PAPPA: variants seen among roughly 807,000 people sequenced by gnomAD.
PAPPA encodes pappalysin 1.
Under a neutral mutation model 164.0 loss-of-function variants are expected in PAPPA, and 60 were observed. The observed-to-expected ratio is 0.37, with a 90% CI of 0.30 to 0.45. The LOEUF is 0.45. Among genes scored for constraint, PAPPA ranks in the 20% least tolerant of loss-of-function variants. The pLI is 1.00. For missense variants in PAPPA, 1,782 were observed against 2,087.3 expected, an observed-to-expected ratio of 0.85 and a Z score of 2.85; for synonymous variants, 875 against 814.1, an observed-to-expected ratio of 1.07 and a Z score of -1.27.
chr9:116,359,377 CAG>C (rs950316192), intron 17 of PAPPA, among the ~76,000 whole-genome samples: 5 of 152,222 alleles, frequency 3.3e-5, no homozygotes, highest in African/African-American at 1.2e-4. Context: ...CTTGTAAAAA[CAG>C]ATGCACAGGC....
chr9:116,173,002 A>G (rs1281622756), intron 1 of PAPPA, among the ~76,000 whole-genome samples: 1 of 152,170 alleles, frequency 6.6e-6, no homozygotes, highest in Non-Finnish European at 1.5e-5. Flanking sequence ...CTCTCAGGGA[A>G]ATAAAGGGAT....
chr9:116,375,534 C>T (rs955229388), intron 19 of PAPPA, among the ~76,000 whole-genome samples: 1 of 152,298 alleles, frequency 6.6e-6, no homozygotes, highest in Admixed American at 6.5e-5. Context: ...AAAATCATCT[C>T]TATTTTGAGA....
Position 116,235,123 on chromosome 9 carries a change from C to T in PAPPA, c.2234-16C>T. ...CTCTTTCCCCAAGAACTCATTCCCT[C>T]ATCTCTTCTGCATAGGTCATCCTGA... On this transcript the variant is annotated splice_polypyrimidine_tract_variant and intron_variant, in intron 6 of 21. Coordinates refer to ENST00000328252, the MANE Select transcript of PAPPA (RefSeq NM_002581.5). 2 of 1,614,016 alleles carry T rather than the reference C, an allele frequency of 1.2e-6. No homozygotes were observed. Among genetic ancestry groups the T allele is most frequent in the Middle Eastern group, 1.7e-4 (1 of 6,058 alleles).
At chr9:116,180,303 A>G (rs1022579720) in intron 1 of PAPPA, among the ~76,000 whole-genome samples, 15 of 152,128 alleles carry the variant, frequency 9.9e-5, no homozygotes, top group Middle Eastern at 3.4e-3. Flanking sequence ...GAGAGCACCA[A>G]TCCACCATGG....
intron 9 of PAPPA, among the ~76,000 whole-genome samples, chr9:116,294,965 G>T (rs1290680673): frequency 6.6e-6 from 1 of 152,144 alleles, no homozygotes; most frequent in South Asian, 2.1e-4. Flanking sequence ...TCCACTCATC[G>T]TTTGGAAGGA....
intron 21 of PAPPA, among the ~76,000 whole-genome samples, chr9:116,393,217 G>A (rs980241552): frequency 3.3e-5 from 5 of 152,198 alleles, no homozygotes; most frequent in African/African-American, 1.2e-4. Context: ...TATGTTTCAA[G>A]TTCCTTTCTG....
chr9:116,327,963 A>G (rs555581017), intron 10 of PAPPA, among the ~76,000 whole-genome samples: 16 of 152,354 alleles, frequency 1.1e-4, no homozygotes, highest in Non-Finnish European at 1.9e-4. Context: ...ACTTGAAACA[A>G]ACACAAAACA....
At chr9:116,194,762 G>C (rs1844083795) in intron 2 of PAPPA, among the ~76,000 whole-genome samples, 1 of 152,118 alleles carries the variant, frequency 6.6e-6, no homozygotes, top group Admixed American at 6.5e-5. Context: ...CTCCATTCTT[G>C]TGTGCACATG....
intron 19 of PAPPA, among the ~76,000 whole-genome samples, 170 bp from the exon 20 acceptor site, chr9:116,377,406 G>C (rs1249994459): frequency 6.6e-6 from 1 of 152,090 alleles, no homozygotes; most frequent in Non-Finnish European, 1.5e-5. Context: ...TTTTAATCTT[G>C]TGGCTCCTGT....
intron 13 of PAPPA, among the ~76,000 whole-genome samples, chr9:116,342,400 G>A (rs1010369565): frequency 6.6e-6 from 1 of 152,134 alleles, no homozygotes. Flanking sequence ...AATGCCAGTT[G>A]CCCTGCATTT....
rs1406678531 is a variant in PAPPA at position 116,382,412 on chromosome 9, T to C, written c.4695T>C (p.Asn1565=). 8 of 1,613,112 alleles carry C rather than the reference T, an allele frequency of 5.0e-6. No individual in the cohort carries two copies. Among genetic ancestry groups the C allele is most frequent in the Non-Finnish European group, 6.8e-6 (8 of 1,179,232 alleles). The change falls in exon 21 of 22, where the codon AAT becomes AAC. Residue 1565 remains asparagine, a synonymous_variant. Transcript: ENST00000328252. The stretch of plus-strand genomic sequence containing the variant: ...CTTTCCAGCCCTTCATGGGAGACAA[T>C]TATTGTGATGCCATCAACAACCGAG... ...VKGCEPFMGD[N]YCDAINNRAF...
At chr9:116,233,799 C>T (rs766015047) in intron 6 of PAPPA, among the ~76,000 whole-genome samples, 6 of 151,958 alleles carry the variant, frequency 3.9e-5, no homozygotes, top group Non-Finnish European at 7.4e-5. Context: ...TACCACAAAG[C>T]GTTTTTAAGC....
intron 19 of PAPPA, among the ~76,000 whole-genome samples, chr9:116,368,150 TC>T (rs1475092679): frequency 7.2e-5 from 11 of 152,190 alleles, no homozygotes; most frequent in Non-Finnish European, 5.9e-5. Context: ...GTATGGCTTC[TC>T]TGGTGCCCTC....
At chr9:116,352,013 C>T (rs542767107) in intron 15 of PAPPA, among the ~76,000 whole-genome samples, 2 of 152,308 alleles carry the variant, frequency 1.3e-5, no homozygotes, top group East Asian at 1.9e-4. Flanking sequence ...GCCTAACTCC[C>T]GTGTTTTACT....
At chr9:116,369,545 TCA>T (rs1846545501) in intron 19 of PAPPA, among the ~76,000 whole-genome samples, 1 of 152,022 alleles carries the variant, frequency 6.6e-6, no homozygotes, top group African/African-American at 2.4e-5. Flanking sequence ...TGAGTTTGAC[TCA>T]CACACAAAAC....
intron 20 of PAPPA, among the ~76,000 whole-genome samples, chr9:116,381,214 A>C (rs1279165898): frequency 6.6e-6 from 1 of 152,182 alleles, no homozygotes; most frequent in Non-Finnish European, 1.5e-5. Flanking sequence ...CCATGAAGTA[A>C]CCATCCCATT....
At chr9:116,192,865 C>T (rs1449658170) in intron 2 of PAPPA, among the ~76,000 whole-genome samples, 6 of 152,150 alleles carry the variant, frequency 3.9e-5, no homozygotes, top group Non-Finnish European at 8.8e-5. Flanking sequence ...ATTCCAGTGT[C>T]AGGAAATCCA....
chr9:116,396,278 C>A (rs1846961815), intron 21 of PAPPA, among the ~76,000 whole-genome samples: 1 of 152,084 alleles, frequency 6.6e-6, no homozygotes, highest in East Asian at 1.9e-4. Context: ...ATTGCCTTAC[C>A]CCATAGCAAA....
At position 116,265,828 on chromosome 9, in the gene PAPPA, T is replaced by A. The variant is rs1054704945; in HGVS notation, c.2733-29T>A. 25 of 1,566,530 alleles carry A rather than the reference T, an allele frequency of 1.6e-5. No homozygotes were observed. In the East Asian group the frequency reaches 5.5e-4, roughly 34 times the overall value. On this transcript the variant is annotated intron_variant, in intron 7 of 21. Transcript: ENST00000328252. ...CTTTGTCTGCCCAGTATTGTAATTGTATAATTATGTCTTCTTTGTATTTTC... is the reference window on the plus strand; with the variant it reads ...CTTTGTCTGCCCAGTATTGTAATTGAATAATTATGTCTTCTTTGTATTTTC...
Sources: allele counts gnomAD v4.1 joint callset (sites outside exome capture counted in the v4.1 genomes callset), GRCh38; gene constraint gnomAD v4.1.1; transcripts MANE v1.5; gene names NCBI Gene and HGNC (gene_info 2026-07-23, HGNC 2026-07-21).